SCARA3: variants seen among roughly 807,000 people sequenced by gnomAD.
The protein encoded by SCARA3 is scavenger receptor class A member 3.
Under a neutral mutation model 47.0 loss-of-function variants are expected in SCARA3, and 39 were observed. The ratio of observed to expected loss-of-function variants is 0.83; its 90% CI spans 0.64 to 1.08. The LOEUF (loss-of-function observed/expected upper bound fraction) is 1.08. Ranked by LOEUF, SCARA3 falls within the 50% of genes least tolerant of loss-of-function variation. SCARA3 has a pLI of 0.00. For missense variants in SCARA3, 724 were observed against 792.3 expected (o/e 0.91, Z 1.04); for synonymous variants, 356 against 334.1 (o/e 1.07, Z -0.71).
At chr8:27,657,817 G>A (rs2128920389) in intron 4 of SCARA3, among the ~76,000 whole-genome samples, 1 of 152,222 alleles carries the variant, frequency 6.6e-6, no homozygotes, top group Middle Eastern at 3.4e-3. Flanking sequence ...TGGGATTACA[G>A]GCGTGAGCCA....
the SCARA3 span, among the ~76,000 whole-genome samples, chr8:27,693,487 T>C: frequency 3.9e-5 from 6 of 152,248 alleles, no homozygotes; most frequent in East Asian, 7.7e-4. Flanking sequence ...TATTATAGAG[T>C]GGAAAGAGTT....
At chr8:27,720,066 G>A in the SCARA3 span, among the ~76,000 whole-genome samples, 2 of 152,156 alleles carry the variant, frequency 1.3e-5, no homozygotes, top group African/African-American at 2.4e-5. Flanking sequence ...CCAGGTCAGA[G>A]GATGGGGAGG....
chr8:27,665,101 G>T (rs1563411790), intron 5 of SCARA3, among the ~76,000 whole-genome samples: 1 of 152,232 alleles, frequency 6.6e-6, no homozygotes, highest in Non-Finnish European at 1.5e-5. Context: ...CTGGAATAAA[G>T]GGAGGGATTG....
At chr8:27,703,620 G>C in the SCARA3 span, 27 of 152,196 alleles carry the variant, frequency 1.8e-4, no homozygotes, top group Non-Finnish European at 3.5e-4. Context: ...GACTAGGGTT[G>C]GGGGGGATCT....
chr8:27,709,069 C>A, the SCARA3 span, among the ~76,000 whole-genome samples: 1 of 152,106 alleles, frequency 6.6e-6, no homozygotes, highest in Admixed American at 6.6e-5. Flanking sequence ...AATATGTCCT[C>A]GAGAAATGTT....
chr8:27,726,779 G>GTATTTATT, the SCARA3 span, among the ~76,000 whole-genome samples: 3 of 151,946 alleles, frequency 2.0e-5, no homozygotes, highest in African/African-American at 7.3e-5. Context: ...TGCTTTGACA[G>GTATTTATT]TATTTATTTA....
downstream of SCARA3, among the ~76,000 whole-genome samples, chr8:27,673,310 C>A (rs1802210313): frequency 6.6e-6 from 1 of 152,250 alleles, no homozygotes; most frequent in Non-Finnish European, 1.5e-5. Flanking sequence ...ACAGGGCAGG[C>A]CTGGACATGT....
the SCARA3 span, among the ~76,000 whole-genome samples, chr8:27,723,113 T>A: frequency 6.6e-6 from 1 of 152,196 alleles, no homozygotes; most frequent in Non-Finnish European, 1.5e-5. Context: ...AGATCCCCAA[T>A]CACGTTACTT....
At chr8:27,634,319 C>A (rs1801200350) in intron 1 of SCARA3, 112 bp downstream of exon 1, 1 of 995,712 alleles carries the variant, frequency 1.0e-6, no homozygotes, top group Non-Finnish European at 1.3e-6. Flanking sequence ...GGGCAGGGCG[C>A]CTCTGGCTTT....
downstream of SCARA3, among the ~76,000 whole-genome samples, chr8:27,677,979 A>G (rs1008895654): frequency 1.3e-5 from 2 of 152,248 alleles, no homozygotes; most frequent in African/African-American, 4.8e-5. Flanking sequence ...AAGTGAAATT[A>G]GAAAATATTT....
At chr8:27,636,031 G>T (rs947856669) in intron 1 of SCARA3, among the ~76,000 whole-genome samples, 1 of 152,182 alleles carries the variant, frequency 6.6e-6, no homozygotes, top group Non-Finnish European at 1.5e-5. Flanking sequence ...TGCGGGATGA[G>T]CCAAGCAAGT....
At chr8:27,683,583 CTGTT>C in the SCARA3 span, among the ~76,000 whole-genome samples, 2 of 152,096 alleles carry the variant, frequency 1.3e-5, no homozygotes, top group African/African-American at 4.8e-5. Flanking sequence ...CTTTGGAAAA[CTGTT>C]TGGCTTCTTA....
At chr8:27,677,309 G>A (rs114660908), downstream of SCARA3, among the ~76,000 whole-genome samples, 1,090 of 152,304 alleles carry the variant, frequency 7.2e-3, 14 homozygotes, top group African/African-American at 0.023. Context: ...TGGAGTTTGC[G>A]GCTGCCAAGG....
chr8:27,651,886 C>T (rs1313225497), intron 3 of SCARA3, among the ~76,000 whole-genome samples: 1 of 152,154 alleles, frequency 6.6e-6, no homozygotes, highest in Non-Finnish European at 1.5e-5. Context: ...ACGACCAGGT[C>T]AGTGCTTCTC....
intron 5 of SCARA3, among the ~76,000 whole-genome samples, chr8:27,664,929 A>G (rs1469529745): frequency 6.6e-6 from 1 of 152,212 alleles, no homozygotes; most frequent in African/African-American, 2.4e-5. Context: ...AAGTCACCAC[A>G]TGTAAAATCT....
At chr8:27,679,970 C>T (rs1802333952), downstream of SCARA3, 1 of 151,662 alleles carries the variant, frequency 6.6e-6, no homozygotes, top group Non-Finnish European at 1.5e-5. Flanking sequence ...AGATAAAAAC[C>T]TCTAAATAAC....
Position 27,671,954 on chromosome 8 carries a change from G to A in SCARA3, c.*603G>A. 1.0e-6 allele frequency: 1 copy of A among 985,436 alleles called. No individual in the cohort carries two copies. The highest frequency in any genetic ancestry group is 1.2e-6 in the Non-Finnish European group (1 of 829,964). 61.0% of individuals were successfully genotyped at this position (985,436 alleles called of 1,614,324 possible). ...AGGGAGGCAGCTACCTCGGGAGGAAGGTCTCACATCTGTCTCTGGGCACCC... is the reference window on the plus strand; with the variant it reads ...AGGGAGGCAGCTACCTCGGGAGGAAAGTCTCACATCTGTCTCTGGGCACCC... On this transcript the variant is annotated 3_prime_UTR_variant, in exon 6 of 6. Coordinates refer to ENST00000301904, the MANE Select transcript of SCARA3 (RefSeq NM_016240.3).
chr8:27,647,878 C>T (rs1003888515), intron 1 of SCARA3, among the ~76,000 whole-genome samples: 2 of 152,360 alleles, frequency 1.3e-5, no homozygotes, highest in South Asian at 4.1e-4. Flanking sequence ...ACCAACAGCG[C>T]CTTGCCAACT....
At chr8:27,675,268 CAG>C (rs1337238026), downstream of SCARA3, among the ~76,000 whole-genome samples, 1 of 152,202 alleles carries the variant, frequency 6.6e-6, no homozygotes, top group East Asian at 1.9e-4. Flanking sequence ...CCTGTCAAAA[CAG>C]AGCCGCGGGA....
Sources: gnomAD v4.1 joint callset for allele counts (sites outside exome capture counted in the v4.1 genomes callset) on GRCh38, gnomAD v4.1.1 for gene constraint, MANE v1.5 for transcripts, NCBI Gene and HGNC (gene_info 2026-07-23, HGNC 2026-07-21) for gene names.